Variants in SLC23A2 observed in about 807,000 individuals in gnomAD.
SLC23A2 encodes Na(+)/L-ascorbic acid transporter 2.
Under a neutral mutation model 73.3 loss-of-function variants are expected in SLC23A2, and 36 were observed. The ratio of observed to expected loss-of-function variants is 0.49; its 90% CI spans 0.38 to 0.65. SLC23A2 has a LOEUF of 0.65. Ranked by LOEUF, SLC23A2 falls within the 30% of genes least tolerant of loss-of-function variation. SLC23A2 has a pLI of 0.00. For missense variants in SLC23A2, 507 were observed against 841.6 expected (o/e 0.60, Z 4.92); for synonymous variants, 343 against 327.3 (o/e 1.05, Z -0.52).
At chr20:4,980,822 G>A (rs754996365) in intron 1 of SLC23A2, among the ~76,000 whole-genome samples, 28 of 152,166 alleles carry the variant, frequency 1.8e-4, no homozygotes, top group South Asian at 4.1e-4. Context: ...GTGAGCCACC[G>A]CGCCCAGCCA....
intron 3 of SLC23A2, among the ~76,000 whole-genome samples, chr20:4,929,999 A>G (rs1490607005): frequency 1.3e-5 from 2 of 152,228 alleles, no homozygotes; most frequent in Non-Finnish European, 2.9e-5. Flanking sequence ...ATGAAAAGCA[A>G]ACTAAGAGGG....
At chr20:4,859,041 C>T (rs769047254) in intron 16 of SLC23A2, among the ~76,000 whole-genome samples, 5 of 152,156 alleles carry the variant, frequency 3.3e-5, no homozygotes, top group Admixed American at 6.5e-5. Flanking sequence ...CCAAACGCAG[C>T]GAACTCAGCT....
At chr20:4,939,763 G>A (rs769262069) in intron 2 of SLC23A2, among the ~76,000 whole-genome samples, 7 of 152,152 alleles carry the variant, frequency 4.6e-5, no homozygotes, top group Non-Finnish European at 8.8e-5. Flanking sequence ...AAGGAATCCT[G>A]CTCACCATGG....
chr20:4,871,063 T>C (rs866334256), intron 11 of SLC23A2, among the ~76,000 whole-genome samples: 7 of 152,176 alleles, frequency 4.6e-5, no homozygotes, highest in Non-Finnish European at 5.9e-5. Flanking sequence ...TTAACAAAAA[T>C]AGCATGGGTC....
rs1055824562 is a variant in SLC23A2 at position 4,853,610 on chromosome 20, A to G, written c.*3362T>C. 7.2e-5 allele frequency: 11 copies of G among 152,662 alleles called. No individual in the cohort carries two copies. Among genetic ancestry groups the G allele is most frequent in the Non-Finnish European group, 1.5e-4 (10 of 68,048 alleles). 9.5% of individuals were successfully genotyped at this position (152,662 alleles called of 1,614,324 possible). A position where few individuals can be genotyped will look rare whatever the true frequency, so the allele number is the denominator to read the frequency against. ...GAAAACTGTGACTATTATCCTGGGTAGAAATGTTATTTTGCTATATGGAAA... is the reference window on the plus strand; with the variant it reads ...GAAAACTGTGACTATTATCCTGGGTGGAAATGTTATTTTGCTATATGGAAA... On this transcript the variant is annotated 3_prime_UTR_variant, in exon 17 of 17. Transcript: ENST00000338244.
chr20:4,859,655 T>C (rs1200670787), intron 15 of SLC23A2, among the ~76,000 whole-genome samples: 1 of 152,192 alleles, frequency 6.6e-6, no homozygotes, highest in African/African-American at 2.4e-5. Flanking sequence ...GTGTTCACCC[T>C]ACAACGAACT....
chr20:4,946,798 G>A (rs762591114), intron 2 of SLC23A2, among the ~76,000 whole-genome samples: 12 of 152,172 alleles, frequency 7.9e-5, no homozygotes, highest in Non-Finnish European at 1.3e-4. Context: ...TCAGAAGAGC[G>A]ATGGAGTCTG....
intron 3 of SLC23A2, among the ~76,000 whole-genome samples, chr20:4,927,081 C>T (rs1419590388): frequency 6.6e-6 from 1 of 152,030 alleles, no homozygotes; most frequent in Non-Finnish European, 1.5e-5. Flanking sequence ...ACATTTCAGC[C>T]TCGCAAGGCC....
chr20:4,937,298 T>C (rs991829088), intron 2 of SLC23A2, among the ~76,000 whole-genome samples: 1 of 152,152 alleles, frequency 6.6e-6, no homozygotes. Flanking sequence ...AATTTGACAC[T>C]GGGGAAAGTG....
intron 2 of SLC23A2, among the ~76,000 whole-genome samples, chr20:4,957,582 CAAAAAAA>C (rs750802378): frequency 8.0e-5 from 8 of 100,282 alleles, no homozygotes; most frequent in African/African-American, 2.4e-4. Flanking sequence ...ACTATAACCT[CAAAAAAA>C]AAAAAAAAGA....
At chr20:4,910,727 C>T (rs1216608315) in intron 4 of SLC23A2, among the ~76,000 whole-genome samples, 8 of 152,190 alleles carry the variant, frequency 5.3e-5, no homozygotes, top group Admixed American at 2.0e-4. Flanking sequence ...TGAGCCACCA[C>T]GCCCAGCCCA....
intron 2 of SLC23A2, among the ~76,000 whole-genome samples, chr20:4,949,071 A>G (rs1441976831): frequency 6.6e-6 from 1 of 152,040 alleles, no homozygotes; most frequent in African/African-American, 2.4e-5. Flanking sequence ...GGATTACCTG[A>G]GGTCAGGAGT....
At chr20:4,965,998 A>G (rs1025948575) in intron 2 of SLC23A2, among the ~76,000 whole-genome samples, 17 of 150,486 alleles carry the variant, frequency 1.1e-4, no homozygotes, top group South Asian at 6.3e-4. Context: ...AGATCAGGAG[A>G]TCAAGGCTGC....
Position 4,992,573 on chromosome 20 carries a change from C to T in SLC23A2, c.-282+8833G>A, listed in dbSNP as rs536610604. Among the ~76,000 whole-genome samples, 57 of 137,054 alleles carry T rather than the reference C, an allele frequency of 4.2e-4. 1 individual carries two copies. The South Asian group carries it at 0.012, about 29-fold the overall frequency. The allele number at this position is 137,054 out of a possible 152,430, so 89.9% of individuals were successfully genotyped here. A position where few individuals can be genotyped will look rare whatever the true frequency, so the allele number is the denominator to read the frequency against. Reference sequence around the variant, plus strand: ...TTGCCCAGGTTAGAGTGTAATGAGGCGATCTTGGCTCACTGCAACCTCCAC... The same window carrying T: ...TTGCCCAGGTTAGAGTGTAATGAGGTGATCTTGGCTCACTGCAACCTCCAC... On this transcript the variant is annotated intron_variant, in intron 1 of 16. Coordinates refer to ENST00000338244, the MANE Select transcript of SLC23A2 (RefSeq NM_005116.6).
intron 2 of SLC23A2, among the ~76,000 whole-genome samples, chr20:4,968,689 G>A (rs919920501): frequency 2.0e-5 from 3 of 151,770 alleles, no homozygotes; most frequent in African/African-American, 7.3e-5. Flanking sequence ...GGCTTGACAA[G>A]GTAAATCATT....
chr20:4,987,773 T>C (rs926183045), intron 1 of SLC23A2, among the ~76,000 whole-genome samples: 11 of 150,774 alleles, frequency 7.3e-5, no homozygotes, highest in African/African-American at 2.7e-4. Context: ...GCGTGAACTC[T>C]GGAGGCGGAG....
At chr20:4,905,284 G>T (rs1931901155) in intron 4 of SLC23A2, among the ~76,000 whole-genome samples, 1 of 152,130 alleles carries the variant, frequency 6.6e-6, no homozygotes, top group Non-Finnish European at 1.5e-5. Flanking sequence ...GTACTAAAAT[G>T]ATACAGGAGG....
At chr20:4,954,404 AG>A (rs2087249923) in intron 2 of SLC23A2, among the ~76,000 whole-genome samples, 1 of 152,158 alleles carries the variant, frequency 6.6e-6, no homozygotes, top group African/African-American at 2.4e-5. Context: ...CCATGAAAAA[AG>A]GAACATTTCA....
rs903132785 is a variant in SLC23A2 at position 4,863,813 on chromosome 20, T to C, written c.1357-906A>G. Reference sequence around the variant, plus strand: ...GATCCTAGATGCATCCTTTTAAACATCACCCAAATGCTCCTCTGAAAAGCA... The same window carrying C: ...GATCCTAGATGCATCCTTTTAAACACCACCCAAATGCTCCTCTGAAAAGCA... On this transcript the variant is annotated intron_variant, in intron 13 of 16. Transcript: ENST00000338244. The surrounding 1 kb of genome is among the most constrained non-coding windows in gnomAD (Gnocchi z 4.8). Among the ~76,000 whole-genome samples, 1 of 152,210 alleles carries C rather than the reference T, an allele frequency of 6.6e-6. No homozygotes were observed. The highest frequency in any genetic ancestry group is 1.5e-5 in the Non-Finnish European group (1 of 68,042).
Sources: gnomAD v4.1 joint callset for allele counts (sites outside exome capture counted in the v4.1 genomes callset) on GRCh38, gnomAD v4.1.1 for gene constraint, Gnocchi (gnomAD v3.1) non-coding constraint, MANE v1.5 for transcripts, NCBI Gene and HGNC (gene_info 2026-07-23, HGNC 2026-07-21) for gene names.